The following SMC1B variants were observed in gnomAD, a reference collection of about 807,000 sequenced individuals.
SMC1B encodes the protein structural maintenance of chromosomes 1B.
A neutral mutation model predicts 157.9 loss-of-function variants in SMC1B; 60 were observed. That is an observed-to-expected ratio of 0.38 (90% CI 0.31 to 0.47). The LOEUF is 0.47. Ranked by LOEUF, SMC1B falls within the 20% of genes least tolerant of loss-of-function variation. The probability of loss-of-function intolerance (pLI) is 0.99; values close to 1 mark genes in which losing one functional copy is unlikely to be tolerated. For synonymous variants in SMC1B, 445 were observed against 483.0 expected, an observed-to-expected ratio of 0.92 and a Z score of 1.03; for missense variants, 1,165 against 1,426.2, an observed-to-expected ratio of 0.82 and a Z score of 2.95.
intron 19 of SMC1B, 83 bp from the exon 20 acceptor site, chr22:45,355,198 ACCAT>A (rs1249426878): frequency 8.6e-6 from 12 of 1,395,630 alleles, no homozygotes; most frequent in African/African-American, 2.8e-5. Flanking sequence ...GGGGCACTTC[ACCAT>A]CCCAGGTCCC....
intron 22 of SMC1B, among the ~76,000 whole-genome samples, chr22:45,351,760 G>C (rs571288830): frequency 1.3e-5 from 2 of 152,242 alleles, no homozygotes; most frequent in South Asian, 4.1e-4. Context: ...ATGTTGCCCA[G>C]GTTCAGCATC....
rs2086643865 is a variant in SMC1B at position 45,353,978 on chromosome 22, T to C, written c.3273A>G (p.Gln1091=). 10 of 1,543,164 alleles carry C rather than the reference T, an allele frequency of 6.5e-6. No individual in the cohort carries two copies. The highest frequency in any genetic ancestry group is 2.6e-6 in the Non-Finnish European group (3 of 1,143,436). The part of the protein sequence containing the change: ...YKKLCRNNSA[Q]AFLSPENPEE... ...GTATTTGAGGATGAAAGATACATAC[T>C]TGGGCGCTGTTGTTTCTGCAGAGCT... The change falls in exon 21 of 25, where the codon CAA becomes CAG. Residue 1091 remains glutamine, a splice_region_variant and synonymous_variant. Transcript: ENST00000357450.
At position 45,389,770 on chromosome 22, in the gene SMC1B, C is replaced by T. The variant is rs757718571; in HGVS notation, c.1673G>A (p.Arg558Gln). 142 of 1,613,938 alleles carry T rather than the reference C, an allele frequency of 8.8e-5. No homozygotes were observed. Among genetic ancestry groups the T allele is most frequent in the Admixed American group, 2.8e-4 (17 of 59,984 alleles). Residue 558 changes from arginine to glutamine, a missense_variant, in exon 10 of 25, where the codon CGA (arginine) becomes CAA (glutamine). Physicochemically the swap from Arg to Gln is conservative, Grantham distance 43. Transcript: ENST00000357450. ...TTCAGCTCTTTCCTCCTTCAGAAAT[C>T]GAATACAATCTTTTGCTACCTTTTC... ...ASEKVAKDCI[R>Q]FLKEERAEPE...
chr22:45,370,809 C>G (rs136568), intron 14 of SMC1B, among the ~76,000 whole-genome samples: 20,516 of 152,104 alleles, frequency 0.13, 1,448 homozygotes, highest in South Asian at 0.24. Context: ...CAGAGCTGGT[C>G]TTAAATCCAT....
chr22:45,383,431 A>G, intron 12 of SMC1B, 36 bp downstream of exon 12: 1 of 1,525,504 alleles, frequency 6.6e-7, no homozygotes, highest in Non-Finnish European at 8.8e-7. Flanking sequence ...CAATTATTCT[A>G]CTTAGTATAT....
chr22:45,356,434 C>A (rs1416429689), intron 19 of SMC1B, among the ~76,000 whole-genome samples: 1 of 152,160 alleles, frequency 6.6e-6, no homozygotes, highest in Admixed American at 6.5e-5. Context: ...AGGTCTCAAT[C>A]AATTTAGTTT....
At chr22:45,355,713 TGAATA>T (rs1331536384) in intron 19 of SMC1B, among the ~76,000 whole-genome samples, 1 of 98,250 alleles carries the variant, frequency 1.0e-5, no homozygotes, top group Admixed American at 1.3e-4. Context: ...ACACAAGTGA[TGAATA>T]GAAGAGAAAA....
intron 19 of SMC1B, among the ~76,000 whole-genome samples, chr22:45,356,152 T>G (rs2061296617): frequency 1.6e-5 from 1 of 61,242 alleles, no homozygotes. Context: ...CTACTCAGCA[T>G]CTGTTCTCCA....
chr22:45,394,636 C>T (rs746905568), intron 8 of SMC1B, 49 bp downstream of exon 8: 2 of 1,462,676 alleles, frequency 1.4e-6, no homozygotes, highest in Admixed American at 2.5e-5. Flanking sequence ...GACCCTCTCT[C>T]AAAAAATAAA....
intron 22 of SMC1B, among the ~76,000 whole-genome samples, chr22:45,350,178 C>A (rs890710259): frequency 3.5e-4 from 53 of 152,042 alleles, no homozygotes; most frequent in African/African-American, 1.2e-3. Flanking sequence ...TAAATCTGGC[C>A]TCAGGGTTTT....
chr22:45,371,732 T>C (rs2086834386), intron 13 of SMC1B, 145 bp from the exon 14 acceptor site: 1 of 1,033,780 alleles, frequency 9.7e-7, no homozygotes, highest in Non-Finnish European at 1.3e-6. Context: ...AAATACCACA[T>C]AAATAATTAA....
chr22:45,395,883 G>A (rs888091646), intron 7 of SMC1B, among the ~76,000 whole-genome samples: 1 of 152,114 alleles, frequency 6.6e-6, no homozygotes, highest in Admixed American at 6.5e-5. Context: ...GTTATATGAG[G>A]AAGAAATTAT....
chr22:45,394,786 T>A lies in SMC1B; in HGVS notation c.1255-19A>T. The A allele has an allele frequency of 6.6e-7, 1 of 1,505,442 alleles. No individual in the cohort carries two copies. Among genetic ancestry groups the A allele is most frequent in the South Asian group, 1.3e-5 (1 of 79,808 alleles). 93.3% of individuals were successfully genotyped at this position (1,505,442 alleles called of 1,614,324 possible). Reference sequence around the variant, plus strand: ...GATTTCCCTAAAAGAGGAAATAAAATCTAAAATCAATTACGGCAATTCCAA... The same window carrying A: ...GATTTCCCTAAAAGAGGAAATAAAAACTAAAATCAATTACGGCAATTCCAA... On this transcript the variant is annotated intron_variant, in intron 7 of 24. Transcript: ENST00000357450.
At chr22:45,380,068 A>G (rs2086921446) in intron 12 of SMC1B, among the ~76,000 whole-genome samples, 1 of 152,062 alleles carries the variant, frequency 6.6e-6, no homozygotes, top group African/African-American at 2.4e-5. Flanking sequence ...TATTTTTGTC[A>G]CATGGAGTAC....
chr22:45,407,691 G>A (rs1468564863), intron 2 of SMC1B, among the ~76,000 whole-genome samples: 1 of 152,008 alleles, frequency 6.6e-6, no homozygotes. Flanking sequence ...TCAAGCAATC[G>A]TCCTGCTGTG....
chr22:45,350,362 C>T (rs201792796), intron 22 of SMC1B, among the ~76,000 whole-genome samples: 7 of 14,236 alleles, frequency 4.9e-4, no homozygotes, highest in Admixed American at 7.6e-4. Flanking sequence ...ACTGCAACCT[C>T]TGCCTCCCGG....
intron 15 of SMC1B, among the ~76,000 whole-genome samples, chr22:45,366,696 G>C (rs1182018837): frequency 1.3e-5 from 2 of 152,198 alleles, no homozygotes; most frequent in African/African-American, 4.8e-5. Context: ...TCAGGAGTTT[G>C]AGACTAGCCT....
At chr22:45,352,955 T>G (rs947912555) in intron 21 of SMC1B, among the ~76,000 whole-genome samples, 3 of 152,152 alleles carry the variant, frequency 2.0e-5, no homozygotes, top group African/African-American at 7.2e-5. Context: ...GGCCAGGTAC[T>G]GTAGATAAAC....
intron 9 of SMC1B, among the ~76,000 whole-genome samples, chr22:45,392,618 C>T (rs2087073281): frequency 6.6e-6 from 1 of 152,018 alleles, no homozygotes; most frequent in African/African-American, 2.4e-5. Context: ...AAAGTCAAAA[C>T]AGATGCTATA....
Sources: allele counts gnomAD v4.1 joint callset (sites outside exome capture counted in the v4.1 genomes callset), GRCh38; gene constraint gnomAD v4.1.1; transcripts MANE v1.5; gene names NCBI Gene and HGNC (gene_info 2026-07-23, HGNC 2026-07-21).